WDR76: variants seen among roughly 807,000 people sequenced by gnomAD.
WDR76 encodes WD repeat domain 76.
Under a neutral mutation model 70.2 loss-of-function variants are expected in WDR76, and 52 were observed. The observed-to-expected ratio is 0.74, with a 90% CI of 0.59 to 0.93. The LOEUF (loss-of-function observed/expected upper bound fraction) is 0.93. Among genes scored for constraint, WDR76 ranks in the 40% least tolerant of loss-of-function variants. The pLI is 0.00. For synonymous variants in WDR76, 292 were observed against 271.1 expected (o/e 1.08, Z -0.76); for missense variants, 756 against 760.2 (o/e 0.99, Z 0.07).
At chr15:43,827,780 C>G (rs922517467) in intron 1 of WDR76, among the ~76,000 whole-genome samples, 185 bp from the exon 2 acceptor site, 1 of 152,102 alleles carries the variant, frequency 6.6e-6, no homozygotes, top group Non-Finnish European at 1.5e-5. Context: ...CTCCTGACCT[C>G]GCGATCTGCC....
At position 43,839,663 on chromosome 15, in the gene WDR76, G is replaced by T; in HGVS notation, c.667G>T (p.Val223Phe). ...TAGAAGGTCAATGCGATTACTAAAA[G>T]TTGATCCTTCGGGAGTTTCATTACC... ...GCRRSMRLLK[V>F]DPSGVSLPAA... Residue 223 changes from valine (V) to phenylalanine (F), a missense_variant, in exon 5 of 13, where the codon GTT (valine) becomes TTT (phenylalanine). By Grantham distance (50) the Val-to-Phe change is conservative. Coordinates refer to ENST00000263795, the MANE Select transcript of WDR76 (RefSeq NM_024908.4). 2 of 1,612,836 alleles carry T rather than the reference G, an allele frequency of 1.2e-6. No individual in the cohort carries two copies. Among genetic ancestry groups the T allele is most frequent in the Non-Finnish European group, 1.7e-6 (2 of 1,179,170 alleles).
chr15:43,865,020 GT>G lies in WDR76; in HGVS notation c.1617-1106del, dbSNP rs545718867. Among the ~76,000 whole-genome samples, 410 of 152,280 alleles carry G rather than the reference GT, an allele frequency of 2.7e-3. 4 individuals are homozygous for G. Among genetic ancestry groups the G allele is most frequent in the African/African-American group, 9.3e-3 (386 of 41,564 alleles). On this transcript the variant is annotated intron_variant, in intron 12 of 12. Coordinates refer to ENST00000263795, the MANE Select transcript of WDR76 (RefSeq NM_024908.4). ...GCTCGCTGCAACCTCCACCTCCCGG[GT>G]TCAAGCAATTCTGCCTCAGCCTCCC...
chr15:43,856,839 A>G (rs1233311680), intron 9 of WDR76, 107 bp from the exon 10 acceptor site: 2 of 900,154 alleles, frequency 2.2e-6, no homozygotes, highest in Non-Finnish European at 3.4e-6. Flanking sequence ...AGGATAAATG[A>G]GGTTATTTGG....
intron 9 of WDR76, among the ~76,000 whole-genome samples, chr15:43,856,346 C>T (rs928401687): frequency 4.6e-5 from 7 of 152,166 alleles, no homozygotes; most frequent in South Asian, 2.1e-4. Flanking sequence ...TATATTTACT[C>T]TTCTACTGAG....
At chr15:43,827,929 T>A in intron 1 of WDR76, 36 bp from the exon 2 acceptor site, 1 of 1,542,554 alleles carries the variant, frequency 6.5e-7, no homozygotes, top group Non-Finnish European at 8.7e-7. Context: ...GGACTTGGAG[T>A]TCTAATATTC....
chr15:43,828,492 A>T, intron 2 of WDR76, 126 bp downstream of exon 2: 1 of 819,402 alleles, frequency 1.2e-6, no homozygotes, highest in East Asian at 2.8e-5. Flanking sequence ...GTAAGTATAA[A>T]TGTAATAATA....
intron 2 of WDR76, among the ~76,000 whole-genome samples, chr15:43,829,356 C>G (rs1021728944): frequency 6.6e-6 from 1 of 152,050 alleles, no homozygotes; most frequent in Non-Finnish European, 1.5e-5. Context: ...AAGGGAGATA[C>G]TATAATTGAA....
chr15:43,864,705 G>A (rs1366147190), intron 12 of WDR76, among the ~76,000 whole-genome samples: 1 of 149,382 alleles, frequency 6.7e-6, no homozygotes, highest in African/African-American at 2.5e-5. Context: ...AGCAGTTCTC[G>A]TGCCTCAGCC....
chr15:43,858,078 GT>G (rs2087952305), intron 10 of WDR76, among the ~76,000 whole-genome samples: 1 of 140,432 alleles, frequency 7.1e-6, no homozygotes, highest in African/African-American at 2.6e-5. Context: ...GATTATAGGC[GT>G]GCACTACCAT....
rs1219960237 is a variant in WDR76, at chr15:43,868,118, TAGA to T, written c.*1731_*1733del. 6.6e-6 allele frequency: 1 copy of T among 152,174 alleles called. No homozygotes were observed. Among genetic ancestry groups the T allele is most frequent in the Non-Finnish European group, 1.5e-5 (1 of 68,028 alleles). 9.4% of individuals were successfully genotyped at this position (152,174 alleles called of 1,614,324 possible). ...TTCTCTATTTTCTAGTTGATATAAG[TAGA>T]AGAATTGACAAGTGAGATGGAAATG... On this transcript the variant is annotated 3_prime_UTR_variant, in exon 13 of 13. Transcript: ENST00000263795.
intron 4 of WDR76, among the ~76,000 whole-genome samples, chr15:43,839,096 T>C (rs1403385612): frequency 6.6e-6 from 1 of 152,166 alleles, no homozygotes; most frequent in Non-Finnish European, 1.5e-5. Context: ...AAATAGAGAA[T>C]GTATATTATT....
At chr15:43,843,834 A>G in intron 7 of WDR76, 67 bp from the exon 8 acceptor site, 1 of 1,354,366 alleles carries the variant, frequency 7.4e-7, no homozygotes, top group Non-Finnish European at 9.8e-7. Context: ...TTTTTGAATA[A>G]TCTTTTACTT....
intron 7 of WDR76, 143 bp downstream of exon 7, chr15:43,842,814 T>C: frequency 1.4e-6 from 1 of 724,452 alleles, no homozygotes. Context: ...TCCTCACAAG[T>C]GTTGCCATAT....
chr15:43,846,301 C>A (rs1596075409), intron 8 of WDR76, among the ~76,000 whole-genome samples: 1 of 147,952 alleles, frequency 6.8e-6, no homozygotes, highest in Admixed American at 6.7e-5. Flanking sequence ...TTTTCCCGCC[C>A]CTGAGATACG....
chr15:43,837,661 A>G (rs12899771), intron 4 of WDR76, among the ~76,000 whole-genome samples: 1 of 152,158 alleles, frequency 6.6e-6, no homozygotes. Context: ...GCTAATCTAG[A>G]AGGATTTAAA....
rs146970010 is a variant in WDR76, at chr15:43,836,219, A to G, written c.608+3A>G. 1 of 1,609,320 alleles carries G rather than the reference A, an allele frequency of 6.2e-7. No individual in the cohort carries two copies. Among genetic ancestry groups the G allele is most frequent in the Non-Finnish European group, 8.5e-7 (1 of 1,177,934 alleles). On this transcript the variant is annotated splice_donor_region_variant and intron_variant, in intron 4 of 12. Coordinates refer to ENST00000263795, the MANE Select transcript of WDR76 (RefSeq NM_024908.4). ...AGACAGCCTCCTAAATCCAAAAGGT[A>G]AAATATCTAGTTTGCAATGCCTGAA... is the stretch of plus-strand genomic sequence containing the variant.
Position 43,851,227 on chromosome 15 carries a change from C to T in WDR76, c.1173C>T (p.Ser391=). 6.2e-7 allele frequency: 1 copy of T among 1,614,054 alleles called. No individual in the cohort carries two copies. ...YDGTLRCGDF[S]RAIFEEVYRN... ...GCACGTTACGCTGTGGGGATTTTTC[C>T]AGGGCTATTTTTGAAGAGGTAAATG... The change falls in exon 9 of 13, where the codon TCC becomes TCT. Residue 391 remains serine, a synonymous_variant. Transcript: ENST00000263795.
intron 8 of WDR76, among the ~76,000 whole-genome samples, chr15:43,849,174 CAAAA>C (rs1221622507): frequency 4.9e-5 from 3 of 60,964 alleles, no homozygotes; most frequent in Non-Finnish European, 7.1e-5. Flanking sequence ...GACTTCATCT[CAAAA>C]AAAAAAAAAA....
chr15:43,865,515 A>G (rs2088060007), intron 12 of WDR76, among the ~76,000 whole-genome samples: 1 of 151,668 alleles, frequency 6.6e-6, no homozygotes, highest in Admixed American at 6.6e-5. Flanking sequence ...TGAATGATCC[A>G]CCCTCTTGGC....
Sources: gnomAD v4.1 joint callset for allele counts (sites outside exome capture counted in the v4.1 genomes callset) on GRCh38, gnomAD v4.1.1 for gene constraint, MANE v1.5 for transcripts, NCBI Gene and HGNC (gene_info 2026-07-23, HGNC 2026-07-21) for gene names.